DISP1: variants seen among roughly 807,000 people sequenced by gnomAD.
DISP1 encodes the protein dispatched RND transporter family member 1.
Under a neutral mutation model 37.3 loss-of-function variants are expected in DISP1, and 30 were observed. The observed-to-expected ratio is 0.80, with a 90% confidence interval of 0.60 to 1.09. The LOEUF is 1.09. Ranked by LOEUF, DISP1 falls within the 50% of genes least tolerant of loss-of-function variation. DISP1 has a pLI of 0.00. For missense variants in DISP1, 1,598 were observed against 1,879.5 expected (o/e 0.85, Z 2.77); for synonymous variants, 634 against 690.2 (o/e 0.92, Z 1.28).
rs1679791527 is a variant in DISP1 at position 223,005,096 on chromosome 1, A to G, written c.3699A>G (p.Ala1233=). ...QAKNLGMPVH[A]AYNSELSKST... ...AGAATTTAGGGATGCCTGTGCATGC[A>G]GCTTACAACAGTGAACTCAGCAAAA... Residue 1233 remains alanine (A), a synonymous_variant, in exon 9 of 9, where the codon GCA becomes GCG. Coordinates refer to ENST00000675850, the MANE Select transcript of DISP1 (RefSeq NM_001377229.1). The G allele has an allele frequency of 6.2e-7, 1 of 1,614,108 alleles. No individual in the cohort carries two copies. Among genetic ancestry groups the G allele is most frequent in the African/African-American group, 1.3e-5 (1 of 74,948 alleles).
chr1:222,890,073 A>G (rs921361757), intron 1 of DISP1, among the ~76,000 whole-genome samples: 1 of 152,198 alleles, frequency 6.6e-6, no homozygotes, highest in African/African-American at 2.4e-5. Flanking sequence ...AAGCTTCCTT[A>G]TAGTGAAATA....
chr1:222,896,086 G>T (rs985008214), intron 1 of DISP1, among the ~76,000 whole-genome samples: 1 of 152,020 alleles, frequency 6.6e-6, no homozygotes, highest in Non-Finnish European at 1.5e-5. Flanking sequence ...CAGGTGGGAG[G>T]ATAGCTTTAC....
At chr1:222,976,162 ATTTG>A (rs1677313267) in intron 3 of DISP1, among the ~76,000 whole-genome samples, 1 of 152,036 alleles carries the variant, frequency 6.6e-6, no homozygotes, top group Non-Finnish European at 1.5e-5. Flanking sequence ...CCGAGGTTAG[ATTTG>A]TTTATTTTTA....
chr1:223,002,879 T>G lies in DISP1; in HGVS notation c.1482T>G (p.Ser494Arg). The stretch of plus-strand genomic sequence containing the variant: ...GGATTGAGTTTGGTATCAAACACAG[T>G]TTGTTTCAGGATTATCTTCTAATGG... ...ITGIEFGIKHSLFQDYLLMDT... is the reference protein window; with the variant it reads ...ITGIEFGIKHRLFQDYLLMDT... Residue 494 changes from serine (S) to arginine (R), a missense_variant, in exon 9 of 9, where the codon AGT becomes AGG. Ser to Arg is a moderately radical substitution (Grantham distance 110, BLOSUM62 -1). Coordinates refer to ENST00000675850, the MANE Select transcript of DISP1 (RefSeq NM_001377229.1). 1 of 1,613,886 alleles carries G rather than the reference T, an allele frequency of 6.2e-7. No individual in the cohort carries two copies.
intron 3 of DISP1, among the ~76,000 whole-genome samples, chr1:222,974,599 C>A (rs1169608718): frequency 2.0e-5 from 3 of 152,132 alleles, no homozygotes; most frequent in African/African-American, 4.8e-5. Flanking sequence ...GTTCTAGACA[C>A]CAAGATGACC....
chr1:222,872,444 A>G (rs1334664715), intron 1 of DISP1: 1 of 152,152 alleles, frequency 6.6e-6, no homozygotes, highest in African/African-American at 2.4e-5. Context: ...TAAGCTATTA[A>G]TTATTGCCTC....
At chr1:222,864,381 T>C (rs1669057790) in intron 1 of DISP1, among the ~76,000 whole-genome samples, 1 of 152,234 alleles carries the variant, frequency 6.6e-6, no homozygotes, top group Admixed American at 6.5e-5. Context: ...TAGGTATTAA[T>C]AGATGCTAAA....
At chr1:222,938,341 C>A (rs532820698) in intron 2 of DISP1, among the ~76,000 whole-genome samples, 38 of 149,982 alleles carry the variant, frequency 2.5e-4, no homozygotes, top group South Asian at 1.9e-3. Context: ...CCTTATTCCA[C>A]TCCTATTATA....
intron 1 of DISP1, among the ~76,000 whole-genome samples, chr1:222,914,371 A>G (rs1425173722): frequency 2.0e-5 from 3 of 152,126 alleles, no homozygotes; most frequent in East Asian, 1.9e-4. Flanking sequence ...ATGTCTGTAC[A>G]TTGTTATTAA....
chr1:222,897,920 A>T (rs1419278327), intron 1 of DISP1, among the ~76,000 whole-genome samples: 1 of 152,154 alleles, frequency 6.6e-6, no homozygotes, highest in Non-Finnish European at 1.5e-5. Flanking sequence ...TATATTCCCC[A>T]TCGAATCTGA....
In DISP1 at chr1:222,989,472, G is replaced by A. The variant is rs1192776210; in HGVS notation, c.540-1153G>A. 19 of 985,274 alleles carry A rather than the reference G, an allele frequency of 1.9e-5. No individual in the cohort carries two copies. The East Asian group carries it at 3.4e-4, about 18-fold the overall frequency. The allele number at this position is 985,274 out of a possible 1,614,324, so 61.0% of individuals were successfully genotyped here. On this transcript the variant is annotated intron_variant, in intron 4 of 8. Transcript: ENST00000675850. ...GACTTGGAAGTGCCAAAATAATAAC[G>A]TGTGATCCAGGACCTCATGGAAGGG...
intron 1 of DISP1, among the ~76,000 whole-genome samples, chr1:222,880,510 T>A (rs1670216502): frequency 6.6e-6 from 1 of 152,104 alleles, no homozygotes; most frequent in South Asian, 2.1e-4. Flanking sequence ...AATAAAATAA[T>A]GACATAAAAA....
At position 222,943,300 on chromosome 1, in the gene DISP1, T is replaced by A. The variant is rs749070743; in HGVS notation, c.477T>A (p.His159Gln). 1.4e-5 allele frequency: 22 copies of A among 1,614,250 alleles called. No individual in the cohort carries two copies. The South Asian group carries it at 2.4e-4, about 18-fold the overall frequency. The change falls in exon 3 of 9, where the codon CAT becomes CAA. Residue 159 changes from histidine (H) to glutamine (Q), a missense_variant. Transcript: ENST00000675850. ...ATCCGTGGCCTGACCATTTTCAGCA[T>A]CAGCCTGTGCAACAGCACATAGCCA... ...LHHPWPDHFQ[H>Q]QPVQQHIANI...
intron 1 of DISP1, among the ~76,000 whole-genome samples, chr1:222,864,741 A>G (rs1235933894): frequency 1.3e-5 from 2 of 152,156 alleles, no homozygotes; most frequent in Admixed American, 6.5e-5. Context: ...TATGTTCTTC[A>G]TTTGAATTCT....
At chr1:222,936,541 CTATA>C (rs71178506) in intron 2 of DISP1, among the ~76,000 whole-genome samples, 67 of 129,058 alleles carry the variant, frequency 5.2e-4, no homozygotes, top group African/African-American at 1.2e-3. Context: ...CTCTCTCTCT[CTATA>C]TATATATATA....
intron 4 of DISP1, among the ~76,000 whole-genome samples, chr1:222,986,059 G>A (rs1259712151): frequency 6.6e-6 from 1 of 152,142 alleles, no homozygotes; most frequent in Admixed American, 6.6e-5. Flanking sequence ...GAAGAAAGAG[G>A]TAGCTAACAG....
rs756711550 is a variant in DISP1 at position 223,003,792 on chromosome 1, G to C, written c.2395G>C (p.Gly799Arg). The C allele has an allele frequency of 1.9e-6, 3 of 1,614,144 alleles. No homozygotes were observed. The highest frequency in any genetic ancestry group is 1.7e-5 in the Admixed American group (1 of 60,016). The change falls in exon 9 of 9, where the codon GGC (glycine) becomes CGC (arginine). Residue 799 changes from glycine (G) to arginine (R), a missense_variant. Physicochemically the swap from Gly to Arg is moderately radical, Grantham distance 125. Coordinates refer to ENST00000675850, the MANE Select transcript of DISP1 (RefSeq NM_001377229.1). This position sits in a 1 kb window ranked among gnomAD's most constrained non-coding sequence, Gnocchi z 4.3. ...CTGGGGCGTGTCCCCAGAAGACAAT[G>C]GCAACCCACTAAATCCCAAGAGTAA... is the stretch of plus-strand genomic sequence containing the variant. ...VIWGVSPEDN[G>R]NPLNPKSKGK...
At chr1:222,921,086 G>A (rs35851670) in intron 1 of DISP1, among the ~76,000 whole-genome samples, 47,071 of 152,116 alleles carry the variant, frequency 0.31, 7,703 homozygotes, top group Non-Finnish European at 0.35. Context: ...AAGGCGGGCA[G>A]ATCTCCTGAG....
chr1:222,932,786 G>A (rs2125460940), intron 2 of DISP1, among the ~76,000 whole-genome samples: 1 of 152,000 alleles, frequency 6.6e-6, no homozygotes, highest in South Asian at 2.1e-4. Context: ...GATAATTTTT[G>A]TGGATGAACC....
Sources: gnomAD v4.1 joint callset for allele counts (sites outside exome capture counted in the v4.1 genomes callset) on GRCh38, gnomAD v4.1.1 for gene constraint, Gnocchi (gnomAD v3.1) non-coding constraint, MANE v1.5 for transcripts, NCBI Gene and HGNC (gene_info 2026-07-23, HGNC 2026-07-21) for gene names.